The following NCKAP5 variants were observed in gnomAD, a reference collection of about 807,000 sequenced individuals.
NCKAP5 encodes the protein nck-associated protein 5.
In NCKAP5, 92 loss-of-function variants were observed where a neutral mutation model predicts 167.0. The ratio of observed to expected loss-of-function variants is 0.55; its 90% CI spans 0.47 to 0.66. The LOEUF is 0.66. NCKAP5 is among the 30% of genes least tolerant of loss of function. The pLI is 0.00. For synonymous variants in NCKAP5, 891 were observed against 877.4 expected, an observed-to-expected ratio of 1.02 and a Z score of -0.27; for missense variants, 2,378 against 2,315.0, an observed-to-expected ratio of 1.03 and a Z score of -0.56.
chr2:132,990,983 G>A lies in NCKAP5; in HGVS notation c.429+3169C>T, dbSNP rs180844427. ...ATGGAAAGAGCTCTAGATAGAAAGC[G>A]GAAAGGCCCAGGTTCAGATCTCAGC... is the stretch of plus-strand genomic sequence containing the variant. On this transcript the variant is annotated intron_variant, in intron 7 of 19. Transcript: ENST00000409261. Among the ~76,000 whole-genome samples, 36 of 152,278 alleles carry A rather than the reference G, an allele frequency of 2.4e-4. No homozygotes were observed. In the East Asian group the frequency reaches 3.1e-3, roughly 13 times the overall value.
chr2:132,709,415 T>C (rs1370624519), intron 19 of NCKAP5, among the ~76,000 whole-genome samples: 6 of 151,820 alleles, frequency 4.0e-5, no homozygotes, highest in Non-Finnish European at 2.9e-5. Context: ...AAGTTAAAAG[T>C]TGGTTTCTGG....
At chr2:133,547,480 C>A in intron 2 of NCKAP5, among the ~76,000 whole-genome samples, 1 of 152,036 alleles carries the variant, frequency 6.6e-6, no homozygotes, top group African/African-American at 2.4e-5. Context: ...GTGTCCCTGT[C>A]TGACAGCTTT....
intron 11 of NCKAP5, among the ~76,000 whole-genome samples, chr2:132,818,067 C>G (rs1435197139): frequency 1.3e-5 from 2 of 152,186 alleles, no homozygotes; most frequent in East Asian, 3.9e-4. Flanking sequence ...CATGCCTCAG[C>G]CTTCTGAGTA....
At chr2:133,579,392 T>C in the NCKAP5 span, among the ~76,000 whole-genome samples, 1 of 152,200 alleles carries the variant, frequency 6.6e-6, no homozygotes. Flanking sequence ...ATCAGGAATC[T>C]GGAGACACAT....
the NCKAP5 span, among the ~76,000 whole-genome samples, chr2:133,656,697 C>T: frequency 1.3e-5 from 2 of 152,146 alleles, no homozygotes; most frequent in Non-Finnish European, 2.9e-5. Context: ...TAATTTCAAA[C>T]TAAAATAAAT....
At chr2:132,822,944 G>A (rs1686863620) in intron 11 of NCKAP5, among the ~76,000 whole-genome samples, 1 of 152,152 alleles carries the variant, frequency 6.6e-6, no homozygotes, top group African/African-American at 2.4e-5. Context: ...AGGATAAGTA[G>A]AAGAAAGAGC....
intron 6 of NCKAP5, among the ~76,000 whole-genome samples, chr2:133,121,157 C>T (rs1210352427): frequency 6.6e-6 from 1 of 151,934 alleles, no homozygotes; most frequent in Admixed American, 6.6e-5. Context: ...GTCCCAAGTA[C>T]GGTAATCAAC....
At chr2:132,832,625 C>A (rs999838949) in intron 11 of NCKAP5, among the ~76,000 whole-genome samples, 9 of 152,166 alleles carry the variant, frequency 5.9e-5, no homozygotes, top group Non-Finnish European at 2.9e-5. Context: ...TGTGATTTGA[C>A]TTTCTGTGTC....
At chr2:133,530,594 C>T (rs1178416181) in intron 2 of NCKAP5, among the ~76,000 whole-genome samples, 1 of 152,138 alleles carries the variant, frequency 6.6e-6, no homozygotes, top group Non-Finnish European at 1.5e-5. Flanking sequence ...CAACAAATTC[C>T]TCCCTTCCTA....
Position 133,513,817 on chromosome 2 carries a change from G to A in NCKAP5, c.69+3641C>T, listed in dbSNP as rs570015377. 6.0e-5 allele frequency among the ~76,000 whole-genome samples: 9 copies of A among 150,486 alleles called. No homozygotes were observed. In the East Asian group the frequency reaches 1.9e-3, roughly 32 times the overall value. On this transcript the variant is annotated intron_variant, in intron 3 of 19. Coordinates refer to ENST00000409261, the MANE Select transcript of NCKAP5 (RefSeq NM_207363.3). Reference sequence around the variant, plus strand: ...GAAATTCATACTGTTACTCTCATCTGTGCTTAAAAGCTAAATGTATTTCCC... The same window carrying A: ...GAAATTCATACTGTTACTCTCATCTATGCTTAAAAGCTAAATGTATTTCCC...
At chr2:133,476,164 T>A (rs1244741577) in intron 3 of NCKAP5, among the ~76,000 whole-genome samples, 2 of 152,214 alleles carry the variant, frequency 1.3e-5, no homozygotes, top group Non-Finnish European at 2.9e-5. Context: ...ACAGAGGTTT[T>A]GTTGAGCCCT....
chr2:133,094,548 T>C (rs967992392), intron 6 of NCKAP5, among the ~76,000 whole-genome samples: 25 of 152,172 alleles, frequency 1.6e-4, no homozygotes, highest in African/African-American at 6.0e-4. Context: ...TTGGTACTGT[T>C]TTGGGTGCTA....
chr2:133,624,295 A>T, the NCKAP5 span, among the ~76,000 whole-genome samples: 2 of 152,062 alleles, frequency 1.3e-5, no homozygotes, highest in Non-Finnish European at 2.9e-5. Flanking sequence ...TTAAAAATAA[A>T]TTTTTTAAAA....
chr2:132,946,195 T>A (rs1328293824), intron 8 of NCKAP5, among the ~76,000 whole-genome samples: 1 of 152,188 alleles, frequency 6.6e-6, no homozygotes, highest in Admixed American at 6.5e-5. Flanking sequence ...TGCCTGGTAA[T>A]CAATTTCCAA....
intron 3 of NCKAP5, among the ~76,000 whole-genome samples, chr2:133,481,943 T>C (rs188176150): frequency 7.9e-5 from 12 of 152,342 alleles, no homozygotes; most frequent in Non-Finnish European, 2.9e-5. Flanking sequence ...TCTTACTATA[T>C]ATTTGTACAC....
At chr2:132,967,491 G>A (rs1435473880) in intron 7 of NCKAP5, among the ~76,000 whole-genome samples, 2 of 152,130 alleles carry the variant, frequency 1.3e-5, no homozygotes, top group East Asian at 1.9e-4. Context: ...TCCTAGTCAA[G>A]AGTAAGTTTT....
the NCKAP5 span, among the ~76,000 whole-genome samples, chr2:133,623,349 G>T: frequency 3.2e-4 from 49 of 152,188 alleles, no homozygotes; most frequent in Non-Finnish European, 5.1e-4. Flanking sequence ...GAAATAATGA[G>T]CATGGTTAAC....
intron 3 of NCKAP5, among the ~76,000 whole-genome samples, chr2:133,307,038 C>T (rs999202808): frequency 6.6e-6 from 1 of 152,160 alleles, no homozygotes; most frequent in Non-Finnish European, 1.5e-5. Flanking sequence ...ATCAATTTCC[C>T]AAGCCTTGCT....
intron 19 of NCKAP5, among the ~76,000 whole-genome samples, chr2:132,696,657 CAT>C (rs1482998580): frequency 1.1e-4 from 17 of 152,254 alleles, no homozygotes; most frequent in Admixed American, 1.0e-3. Context: ...AATCATCGTA[CAT>C]GATTCACTGG....
Sources: gnomAD v4.1 joint callset for allele counts (sites outside exome capture counted in the v4.1 genomes callset) on GRCh38, gnomAD v4.1.1 for gene constraint, MANE v1.5 for transcripts, NCBI Gene and HGNC (gene_info 2026-07-23, HGNC 2026-07-21) for gene names.